Variants in CRISP1 observed in about 807,000 individuals in gnomAD.
CRISP1 encodes cysteine-rich secretory protein 1.
CRISP1 carries 44 observed loss-of-function variants against 33.1 expected under a neutral mutation model. That is an observed-to-expected ratio of 1.33 (90% CI 1.05 to 1.71). The LOEUF (loss-of-function observed/expected upper bound fraction) is 1.71. Among genes scored for constraint, CRISP1 ranks in the 40% most tolerant of loss-of-function variants. CRISP1 has a pLI of 0.00. For missense variants in CRISP1, 390 were observed against 301.2 expected (o/e 1.29, Z -2.18); for synonymous variants, 103 against 98.7 (o/e 1.04, Z -0.26).
intron 2 of CRISP1, among the ~76,000 whole-genome samples, chr6:49,853,210 A>T (rs1427130600): frequency 6.6e-6 from 1 of 152,154 alleles, no homozygotes; most frequent in African/African-American, 2.4e-5. Flanking sequence ...CTGCGGACCC[A>T]CATGATTCCA....
At chr6:49,853,875 A>T (rs1227485821) in intron 2 of CRISP1, among the ~76,000 whole-genome samples, 3 of 152,200 alleles carry the variant, frequency 2.0e-5, no homozygotes, top group African/African-American at 2.4e-5. Context: ...TCAGCTGAGC[A>T]TTGCCAGAAA....
intron 7 of CRISP1, 101 bp from the exon 8 acceptor site, chr6:49,835,544 A>C (rs1225960469): frequency 1.8e-6 from 2 of 1,096,416 alleles, no homozygotes; most frequent in African/African-American, 3.2e-5. Context: ...AATTTTTATT[A>C]ACAATTGCTA....
upstream of CRISP1, among the ~76,000 whole-genome samples, chr6:49,869,308 C>CTT (rs1336511036): frequency 6.6e-6 from 1 of 152,136 alleles, no homozygotes; most frequent in African/African-American, 2.4e-5. Context: ...CCAGATTGGC[C>CTT]TTTCCACAGG....
chr6:49,871,556 C>A (rs1006334384), intron 1 of CRISP1, among the ~76,000 whole-genome samples: 1 of 109,842 alleles, frequency 9.1e-6, no homozygotes, highest in Non-Finnish European at 1.8e-5. Flanking sequence ...CCCCTCCCCC[C>A]GCCCCACAAC....
chr6:49,871,152 GAAA>G (rs1376803160), upstream of CRISP1, among the ~76,000 whole-genome samples: 1 of 149,952 alleles, frequency 6.7e-6, no homozygotes, highest in Non-Finnish European at 1.5e-5. Flanking sequence ...AAGAAAGAAA[GAAA>G]AAAATAAAAA....
intron 2 of CRISP1, among the ~76,000 whole-genome samples, chr6:49,853,613 G>A (rs927894298): frequency 1.2e-4 from 18 of 152,094 alleles, no homozygotes; most frequent in Admixed American, 5.9e-4. Flanking sequence ...TGCCTGATTG[G>A]AATTTCCTGT....
upstream of CRISP1, among the ~76,000 whole-genome samples, chr6:49,871,129 C>CAA (rs55712975): frequency 0.055 from 8,008 of 146,678 alleles, 663 homozygotes; most frequent in African/African-American, 0.18. Flanking sequence ...ACAAAACAAA[C>CAA]AAAAAAAAAA....
chr6:49,841,529 C>T (rs970360828), intron 5 of CRISP1, among the ~76,000 whole-genome samples: 5 of 152,132 alleles, frequency 3.3e-5, no homozygotes, highest in Admixed American at 6.6e-5. Flanking sequence ...ATGATCAAAA[C>T]TCTGTGTCAA....
At position 49,850,202 on chromosome 6, in the gene CRISP1, C is replaced by G. The variant is rs1771308145; in HGVS notation, c.195+1799G>C. Among the ~76,000 whole-genome samples, 13 of 151,622 alleles carry G rather than the reference C, an allele frequency of 8.6e-5. No homozygotes were observed. In the South Asian group the frequency reaches 2.7e-3, roughly 32 times the overall value. ...GCATGGCACATGTATACATATGTAA[C>G]TAACCTGCACATTGTGCACATGTAC... On this transcript the variant is annotated intron_variant, in intron 3 of 7. Coordinates refer to ENST00000335847, the MANE Select transcript of CRISP1 (RefSeq NM_001131.3).
intron 2 of CRISP1, among the ~76,000 whole-genome samples, chr6:49,856,918 C>T (rs1213994391): frequency 6.6e-6 from 1 of 152,076 alleles, no homozygotes; most frequent in African/African-American, 2.4e-5. Context: ...CCTCACGTTG[C>T]TCTTTGTGCT....
chr6:49,836,871 A>T (rs548484383), intron 7 of CRISP1, among the ~76,000 whole-genome samples: 2 of 152,212 alleles, frequency 1.3e-5, no homozygotes, highest in Admixed American at 1.3e-4. Flanking sequence ...TTTTCCTACA[A>T]TCAGTAATTT....
At chr6:49,875,952 A>T (rs1411677265) in intron 1 of CRISP1, among the ~76,000 whole-genome samples, 1 of 152,178 alleles carries the variant, frequency 6.6e-6, no homozygotes, top group African/African-American at 2.4e-5. Flanking sequence ...CCCTAAAAAA[A>T]AATCTAGGCA....
intron 2 of CRISP1, among the ~76,000 whole-genome samples, chr6:49,857,067 A>G (rs1414864463): frequency 6.6e-6 from 1 of 152,194 alleles, no homozygotes; most frequent in African/African-American, 2.4e-5. Context: ...ATGGACCCAC[A>G]GAGCTAACTG....
At chr6:49,846,812 C>A in intron 4 of CRISP1, 144 bp from the exon 5 acceptor site, 1 of 768,548 alleles carries the variant, frequency 1.3e-6, no homozygotes, top group East Asian at 2.9e-5. Flanking sequence ...GTTGTATCCC[C>A]ACTGAAAATC....
chr6:49,876,843 A>G (rs1025574799), intron 1 of CRISP1, among the ~76,000 whole-genome samples: 1 of 151,960 alleles, frequency 6.6e-6, no homozygotes, highest in Admixed American at 6.6e-5. Flanking sequence ...ATGAGAATGC[A>G]TGGACACATG....
intron 6 of CRISP1, among the ~76,000 whole-genome samples, chr6:49,840,526 C>T (rs541924218): frequency 2.1e-3 from 318 of 152,258 alleles, no homozygotes; most frequent in Admixed American, 3.5e-3. Flanking sequence ...AGTAAATGTC[C>T]TTGTTTCTTT....
intron 7 of CRISP1, among the ~76,000 whole-genome samples, chr6:49,836,152 C>T (rs1352882953): frequency 6.6e-6 from 1 of 151,990 alleles, no homozygotes; most frequent in East Asian, 1.9e-4. Context: ...TATATAAAGG[C>T]AAAAATAACA....
chr6:49,846,525 T>C lies in CRISP1; in HGVS notation c.430A>G (p.Thr144Ala). Residue 144 changes from threonine to alanine, a missense_variant, in exon 5 of 8, where the codon ACT (threonine) becomes GCT (alanine). Coordinates refer to ENST00000335847, the MANE Select transcript of CRISP1 (RefSeq NM_001131.3). Reference protein sequence around the residue: ...TDDDITTDHYTQIVWATSYLI... With the variant: ...TDDDITTDHYAQIVWATSYLI... ...TTTGCCAGCACACAGGTTACCTGAG[T>C]GTAGTGGTCAGTAGTTATGTCATCA... 6.2e-7 allele frequency: 1 copy of C among 1,612,842 alleles called. No homozygotes were observed. The highest frequency in any genetic ancestry group is 8.5e-7 in the Non-Finnish European group (1 of 1,179,322).
chr6:49,873,460 G>C (rs1361527353), intron 1 of CRISP1, among the ~76,000 whole-genome samples: 1 of 151,998 alleles, frequency 6.6e-6, no homozygotes, highest in Non-Finnish European at 1.5e-5. Context: ...CCAGGTCCTA[G>C]CATAAAGCAA....
Sources: allele counts gnomAD v4.1 joint callset (sites outside exome capture counted in the v4.1 genomes callset), GRCh38; gene constraint gnomAD v4.1.1; transcripts MANE v1.5; gene names NCBI Gene and HGNC (gene_info 2026-07-23, HGNC 2026-07-21).